IL20: variants seen among roughly 807,000 people sequenced by gnomAD.
IL20 encodes interleukin 20, also known as interleukin-20.
IL20 carries 22 observed loss-of-function variants against 19.2 expected under a neutral mutation model. The observed-to-expected ratio is 1.15, with a 90% CI of 0.82 to 1.64. IL20 has a LOEUF of 1.64. Among genes scored for constraint, IL20 ranks in the 40% most tolerant of loss-of-function variants. The pLI is 0.00. For missense variants in IL20, 215 were observed against 212.8 expected, an observed-to-expected ratio of 1.01 and a Z score of -0.06; for synonymous variants, 70 against 76.2, an observed-to-expected ratio of 0.92 and a Z score of 0.43.
At chr1:206,865,405 T>C (rs1276755004), upstream of IL20, 6 of 628,780 alleles carry the variant, frequency 9.5e-6, no homozygotes, top group Admixed American at 6.1e-5. This position sits in a 1 kb window ranked among gnomAD's most constrained non-coding sequence, Gnocchi z 4.1. Flanking sequence ...AGTTCCCCTG[T>C]GGGTCTGAGG....
rs1677633368 is a variant in IL20 at position 206,868,725 on chromosome 1, T to C, written c.*161T>C. On this transcript the variant is annotated 3_prime_UTR_variant, in exon 6 of 6. Coordinates refer to ENST00000367098, the MANE Select transcript of IL20 (RefSeq NM_018724.4). ...TGCATTACTTGCTTCCTTGCATGAT[T>C]GTCTTTATGCATCCCCAATCTTAAT... is the stretch of plus-strand genomic sequence containing the variant. The C allele has an allele frequency of 2.5e-6, 1 of 401,040 alleles. No individual in the cohort carries two copies. The highest frequency in any genetic ancestry group is 2.1e-5 in the African/African-American group (1 of 48,486). 24.8% of individuals were successfully genotyped at this position (401,040 alleles called of 1,614,324 possible). A position where few individuals can be genotyped will look rare whatever the true frequency, so the allele number is the denominator to read the frequency against.
intron 2 of IL20, 87 bp from the exon 3 acceptor site, chr1:206,866,212 G>T (rs2102504987): frequency 1.5e-6 from 2 of 1,341,048 alleles, no homozygotes; most frequent in East Asian, 4.6e-5. Context: ...CTAGTTCTTG[G>T]CAGGGAGTGG....
intron 5 of IL20, among the ~76,000 whole-genome samples, 157 bp downstream of exon 5, chr1:206,867,615 C>T (rs1210034104): frequency 6.6e-6 from 1 of 152,142 alleles, no homozygotes; most frequent in Admixed American, 6.5e-5. Flanking sequence ...CCAGGGGACA[C>T]CCATCCAGGC....
At chr1:206,864,522 C>T (rs540601614), upstream of IL20, among the ~76,000 whole-genome samples, 48 of 151,782 alleles carry the variant, frequency 3.2e-4, no homozygotes, top group Non-Finnish European at 5.9e-4. Context: ...AGGTTTATTA[C>T]GACTCATGAC....
chr1:206,867,854 G>A (rs1677604003), intron 5 of IL20, among the ~76,000 whole-genome samples: 1 of 151,956 alleles, frequency 6.6e-6, no homozygotes, highest in African/African-American at 2.4e-5. Flanking sequence ...TGCCAGGAAG[G>A]CCTGGATTTC....
intron 2 of IL20, 83 bp from the exon 3 acceptor site, chr1:206,866,216 G>A (rs2232357): frequency 7.4e-6 from 10 of 1,357,706 alleles, no homozygotes; most frequent in Non-Finnish European, 1.1e-6. Flanking sequence ...TTCTTGGCAG[G>A]GAGTGGATGA....
intron 4 of IL20, 74 bp from the exon 5 acceptor site, chr1:206,867,310 T>C: frequency 7.6e-7 from 1 of 1,307,738 alleles, no homozygotes; most frequent in Non-Finnish European, 1.1e-6. Flanking sequence ...AGAGTAGAGT[T>C]TCTGCCTGCT....
In IL20 at chr1:206,865,955, A is replaced by C; in HGVS notation, c.103A>C (p.Ile35Leu). Residue 35 changes from isoleucine (I) to leucine (L), a missense_variant, in exon 2 of 6, where the codon ATC (isoleucine) becomes CTC (leucine). By Grantham distance (5) the Ile-to-Leu change is conservative. Transcript: ENST00000367098. The surrounding 1 kb of genome is among the most constrained non-coding windows in gnomAD (Gnocchi z 4.1). ...LKTLNLGSCV[I>L]ATNLQEIRNG... ...GACACTCAATTTGGGAAGCTGTGTG[A>C]TCGCCACAAACCTTCAGGAAATACG... 6.2e-7 allele frequency: 1 copy of C among 1,614,168 alleles called. No individual in the cohort carries two copies. The highest frequency in any genetic ancestry group is 8.5e-7 in the Non-Finnish European group (1 of 1,180,020).
At chr1:206,865,584 G>A, upstream of IL20, 2 of 1,228,392 alleles carry the variant, frequency 1.6e-6, no homozygotes, top group Non-Finnish European at 2.0e-6. This position sits in a 1 kb window ranked among gnomAD's most constrained non-coding sequence, Gnocchi z 4.1. Flanking sequence ...AGCCAGGATG[G>A]GGACAGAATA....
chr1:206,868,458 C>A, intron 5 of IL20, 29 bp from the exon 6 acceptor site: 2 of 1,546,114 alleles, frequency 1.3e-6, no homozygotes, highest in East Asian at 2.4e-5. Flanking sequence ...TCATGAATTG[C>A]TAACCACATG....
Position 206,868,506 on chromosome 1 carries a change from T to C in IL20, c.473T>C (p.Val158Ala), listed in dbSNP as rs760941143. The change falls in exon 6 of 6, where the codon GTT (valine) becomes GCT (alanine). Residue 158 changes from valine (V) to alanine (A), a missense_variant. Transcript: ENST00000367098. Reference sequence around the variant, plus strand: ...TTTCAGCTGGAACCTCAGGCAGCAGTTGTGAAGGCTTTGGGGGAACTAGAC... The same window carrying C: ...TTTCAGCTGGAACCTCAGGCAGCAGCTGTGAAGGCTTTGGGGGAACTAGAC... Reference protein sequence around the residue: ...HFEKLEPQAAVVKALGELDIL... With the variant: ...HFEKLEPQAAAVKALGELDIL... 1.3e-6 allele frequency: 2 copies of C among 1,595,882 alleles called. No individual in the cohort carries two copies. The highest frequency in any genetic ancestry group is 4.6e-5 in the East Asian group (2 of 43,248).
rs112004526 is a variant in IL20 at position 206,866,334 on chromosome 1, A to C, written c.195A>C (p.Leu65Phe). The C allele has an allele frequency of 6.8e-5, 110 of 1,613,978 alleles. No individual in the cohort carries two copies. The highest frequency in any genetic ancestry group is 3.3e-4 in the Middle Eastern group (2 of 6,082). ...ATGGAAACATTGACATCAGAATCTT[A>C]AGGAGGACTGAGTCTTTGCAAGACA... ...AKDGNIDIRI[L>F]RRTESLQDTK... Residue 65 changes from leucine (L) to phenylalanine (F), a missense_variant, in exon 3 of 6, where the codon TTA becomes TTC. By Grantham distance (22) the Leu-to-Phe change is conservative. Coordinates refer to ENST00000367098, the MANE Select transcript of IL20 (RefSeq NM_018724.4).
In IL20 at chr1:206,866,559, C is replaced by T. The variant is rs1558631425; in HGVS notation, c.301C>T (p.Pro101Ser). ...LDRVFKNYQT[P>S]DHYTLRKISS... ...CAGGGTATTTAAAAACTACCAGACC[C>T]CTGACCATTATACTCTCCGGAAGAT... Residue 101 changes from proline to serine, a missense_variant, in exon 4 of 6, where the codon CCT becomes TCT. Transcript: ENST00000367098. 1 of 1,613,968 alleles carries T rather than the reference C, an allele frequency of 6.2e-7. No individual in the cohort carries two copies. Among genetic ancestry groups the T allele is most frequent in the Non-Finnish European group, 8.5e-7 (1 of 1,179,960 alleles).
At chr1:206,863,799 G>A (rs1479134179), upstream of IL20, among the ~76,000 whole-genome samples, 1 of 152,188 alleles carries the variant, frequency 6.6e-6, no homozygotes, top group African/African-American at 2.4e-5. Context: ...ATTCAAGACA[G>A]CGGGTGCTCA....
rs546257445 is a variant in IL20, at chr1:206,867,316, C to G, written c.379-68C>G. 2.8e-6 allele frequency: 4 copies of G among 1,407,536 alleles called. No homozygotes were observed. The South Asian group carries it at 4.7e-5, about 17-fold the overall frequency. The allele number at this position is 1,407,536 out of a possible 1,614,324, so 87.2% of individuals were successfully genotyped here. Reference sequence around the variant, plus strand: ...GTGGGTGAAAGAGTAGAGTTTCTGCCTGCTTCATGTCAATGGCAAAAAATC... The same window carrying G: ...GTGGGTGAAAGAGTAGAGTTTCTGCGTGCTTCATGTCAATGGCAAAAAATC... On this transcript the variant is annotated intron_variant, in intron 4 of 5. Transcript: ENST00000367098.
Position 206,865,682 on chromosome 1 carries a change from T to A in IL20, c.-35T>A, listed in dbSNP as rs1677524003. 7.2e-7 allele frequency: 1 copy of A among 1,389,582 alleles called. No homozygotes were observed. Among genetic ancestry groups the A allele is most frequent in the Non-Finnish European group, 9.3e-7 (1 of 1,073,294 alleles). The allele number at this position is 1,389,582 out of a possible 1,614,324, so 86.1% of individuals were successfully genotyped here. A position where few individuals can be genotyped will look rare whatever the true frequency, so the allele number is the denominator to read the frequency against. ...TCTTCACGGGAGGCTTGGCAGTTTT[T>A]CTTAGTAAGTTGCGTGGATGGGCCA... On this transcript the variant is annotated 5_prime_UTR_variant, in exon 1 of 6. Transcript: ENST00000367098. This position sits in a 1 kb window ranked among gnomAD's most constrained non-coding sequence, Gnocchi z 4.1.
intron 5 of IL20, 80 bp downstream of exon 5, chr1:206,867,538 G>C (rs773289837): frequency 4.3e-4 from 499 of 1,164,452 alleles, no homozygotes; most frequent in Non-Finnish European, 6.1e-4. Flanking sequence ...GTTATTCACT[G>C]TTAGACATCC....
intron 5 of IL20, 115 bp from the exon 6 acceptor site, chr1:206,868,372 C>A: frequency 1.9e-6 from 1 of 535,492 alleles, no homozygotes; most frequent in African/African-American, 2.0e-5. Flanking sequence ...AGTGCTTCAT[C>A]TTGAAAAGAA....
chr1:206,864,319 G>A (rs777423625), upstream of IL20, among the ~76,000 whole-genome samples: 8 of 151,868 alleles, frequency 5.3e-5, no homozygotes, highest in Non-Finnish European at 1.0e-4. Flanking sequence ...CATATTGCCT[G>A]GCATATAGGA....
Sources: gnomAD v4.1 joint callset for allele counts (sites outside exome capture counted in the v4.1 genomes callset) on GRCh38, gnomAD v4.1.1 for gene constraint, Gnocchi (gnomAD v3.1) non-coding constraint, MANE v1.5 for transcripts, NCBI Gene and HGNC (gene_info 2026-07-23, HGNC 2026-07-21) for gene names.